The following RNF126 variants were observed in gnomAD, a reference collection of about 807,000 sequenced individuals.
RNF126 encodes E3 ubiquitin-protein ligase RNF126.
In RNF126, 20 loss-of-function variants were observed where a neutral mutation model predicts 41.9. The observed-to-expected ratio is 0.48, with a 90% CI of 0.34 to 0.69. RNF126 has a LOEUF of 0.69. Among genes scored for constraint, RNF126 ranks in the 30% least tolerant of loss-of-function variants. The pLI, the probability that RNF126 is intolerant of heterozygous loss-of-function variation, is 0.01. For synonymous variants in RNF126, 239 were observed against 202.9 expected (o/e 1.18, Z -1.51); for missense variants, 433 against 460.6 (o/e 0.94, Z 0.55).
rs546244262 is a variant in RNF126 at position 651,785 on chromosome 19, C to T, written c.269G>A (p.Ser90Asn). 5.0e-6 allele frequency: 8 copies of T among 1,612,612 alleles called. No homozygotes were observed. Among genetic ancestry groups the T allele is most frequent in the African/African-American group, 1.3e-5 (1 of 74,898 alleles). The change falls in exon 4 of 9, where the codon AGC (serine) becomes AAC (asparagine). Residue 90 changes from serine to asparagine, a missense_variant. This residue lies in a region of RNF126 where 247 missense variants were observed against 224.7 expected (regional missense o/e 1.10). Coordinates refer to ENST00000292363, the MANE Select transcript of RNF126 (RefSeq NM_194460.3). ...AGGAGGGAACGTGGGGATCTCGAAG[C>T]TGTCATCGAAGATGCCGAAAGCAAA... ...GQFAFGIFDD[S>N]FEIPTFPPGA...
rs1568191479 is a variant in RNF126, at chr19:652,810, C to T, written c.134+16G>A. On this transcript the variant is annotated intron_variant, in intron 2 of 8. Transcript: ENST00000292363. ...CGGCTGGCTCTTCCAGCCTCTTCAA[C>T]AGGGGGCTGCATTACCTGGTCTCTT... 1 of 1,611,664 alleles carries T rather than the reference C, an allele frequency of 6.2e-7. No individual in the cohort carries two copies. Among genetic ancestry groups the T allele is most frequent in the African/African-American group, 1.3e-5 (1 of 74,900 alleles).
chr19:660,471 C>T (rs2030751859), intron 1 of RNF126, among the ~76,000 whole-genome samples: 1 of 150,474 alleles, frequency 6.6e-6, no homozygotes, highest in Admixed American at 6.6e-5. Context: ...GGTGTCTCAG[C>T]AGCAGCAGTG....
In RNF126 at chr19:659,243, G is replaced by A. The variant is rs1391870672; in HGVS notation, c.75+3804C>T. On this transcript the variant is annotated intron_variant, in intron 1 of 8. Coordinates refer to ENST00000292363, the MANE Select transcript of RNF126 (RefSeq NM_194460.3). The surrounding 1 kb of genome is among the most constrained non-coding windows in gnomAD (Gnocchi z 4.9). ...TGAAGACTCGGGCCAGGCCGCCGCA[G>A]GGACCAGGAGAAGACAGGGTGGGCC... 1.3e-5 allele frequency among the ~76,000 whole-genome samples: 2 copies of A among 152,182 alleles called. No individual in the cohort carries two copies. Among genetic ancestry groups the A allele is most frequent in the Non-Finnish European group, 2.9e-5 (2 of 68,018 alleles).
intron 1 of RNF126, among the ~76,000 whole-genome samples, chr19:662,327 G>C (rs116470650): frequency 0.053 from 8,050 of 152,258 alleles, 277 homozygotes; most frequent in African/African-American, 0.094. Context: ...AGTAGCACTC[G>C]GCACGCCCAG....
intron 1 of RNF126, among the ~76,000 whole-genome samples, chr19:661,958 A>C (rs3826952): frequency 0.11 from 16,356 of 151,954 alleles, 1,323 homozygotes; most frequent in East Asian, 0.46. Context: ...CCCATCTATA[A>C]AGCACGGGTG....
chr19:661,812 G>A (rs2030815262), intron 1 of RNF126, among the ~76,000 whole-genome samples: 2 of 152,208 alleles, frequency 1.3e-5, no homozygotes, highest in Admixed American at 1.3e-4. Context: ...AATGCCTGCA[G>A]CCTCTTCCCC....
chr19:658,927 G>A (rs1012821214), intron 1 of RNF126, among the ~76,000 whole-genome samples: 15 of 152,230 alleles, frequency 9.9e-5, no homozygotes, highest in African/African-American at 3.4e-4. Flanking sequence ...TAAGTGGGAG[G>A]AAATTCAGCA....
chr19:662,837 A>G (rs1348313114), intron 1 of RNF126, among the ~76,000 whole-genome samples: 1 of 151,920 alleles, frequency 6.6e-6, no homozygotes, highest in African/African-American at 2.4e-5. Flanking sequence ...CCCGGGCCTC[A>G]GTCTCCCGCA....
chr19:649,325 T>G, intron 6 of RNF126: 1 of 334,298 alleles, frequency 3.0e-6, no homozygotes, highest in Non-Finnish European at 5.5e-6. Flanking sequence ...GACAAAATGC[T>G]CCAAGGGCTC....
chr19:650,494 T>C (rs1010203473), intron 4 of RNF126, 198 bp from the exon 5 acceptor site: 1 of 499,294 alleles, frequency 2.0e-6, no homozygotes, highest in Non-Finnish European at 3.5e-6. Context: ...CTTGGTTCAC[T>C]GCAGCCCCAA....
Position 652,898 on chromosome 19 carries a change from C to G in RNF126, c.76-14G>C, listed in dbSNP as rs376781342. 2 of 1,611,540 alleles carry G rather than the reference C, an allele frequency of 1.2e-6. No homozygotes were observed. The highest frequency in any genetic ancestry group is 3.3e-5 in the Admixed American group (2 of 59,842). The stretch of plus-strand genomic sequence containing the variant: ...ACAGATATAATCCTGCAGGAGAGAA[C>G]AGGAGGCCGGGTCACGGTGACGCCG... On this transcript the variant is annotated splice_polypyrimidine_tract_variant and intron_variant, in intron 1 of 8. Coordinates refer to ENST00000292363, the MANE Select transcript of RNF126 (RefSeq NM_194460.3).
At chr19:661,500 C>G (rs1352506023) in intron 1 of RNF126, 2 of 152,338 alleles carry the variant, frequency 1.3e-5, no homozygotes. Context: ...GCCCCACACC[C>G]GAGATTTCAC....
In RNF126 at chr19:647,699, GC is replaced by G. The variant is rs2030015036; in HGVS notation, c.*428del. The G allele has an allele frequency of 4.7e-6, 1 of 211,290 alleles. No homozygotes were observed. The highest frequency in any genetic ancestry group is 9.8e-6 in the Non-Finnish European group (1 of 101,972). 13.1% of individuals were successfully genotyped at this position (211,290 alleles called of 1,614,324 possible). A position where few individuals can be genotyped will look rare whatever the true frequency, so the allele number is the denominator to read the frequency against. ...GAGGGGGAGGCTGGGGGCCCACGTG[GC>G]CCGTCCTGGCGGCACCTGCAGCACT... On this transcript the variant is annotated 3_prime_UTR_variant, in exon 9 of 9. Transcript: ENST00000292363.
chr19:650,445 TCTCA>T, intron 4 of RNF126, 149 bp from the exon 5 acceptor site: 1 of 680,374 alleles, frequency 1.5e-6, no homozygotes, highest in Non-Finnish European at 2.5e-6. Context: ...TGAGCCAGGG[TCTCA>T]CTCTAATGCC....
chr19:662,230 G>A (rs1234190463), intron 1 of RNF126, among the ~76,000 whole-genome samples: 1 of 152,200 alleles, frequency 6.6e-6, no homozygotes, highest in African/African-American at 2.4e-5. Context: ...AAGGGGCCTG[G>A]AAATAGCACC....
intron 1 of RNF126, among the ~76,000 whole-genome samples, chr19:661,898 C>T (rs1039580530): frequency 6.6e-6 from 1 of 152,200 alleles, no homozygotes; most frequent in Middle Eastern, 3.2e-3. Flanking sequence ...CGGCTCCCGA[C>T]TGAGCCGGCT....
At position 651,867 on chromosome 19, in the gene RNF126, AG is replaced by A. The variant is rs766092826; in HGVS notation, c.199-13del. ...TGCTGGTCCACGTGCTGGGGAGAGG[AG>A]GGGGGCGTGACCTCGGGGGCTCAGG... is the stretch of plus-strand genomic sequence containing the variant. On this transcript the variant is annotated splice_polypyrimidine_tract_variant and intron_variant, in intron 3 of 8. Coordinates refer to ENST00000292363, the MANE Select transcript of RNF126 (RefSeq NM_194460.3). 5 of 1,598,284 alleles carry A rather than the reference AG, an allele frequency of 3.1e-6. No individual in the cohort carries two copies. The African/African-American group carries it at 5.4e-5, about 17-fold the overall frequency.
intron 1 of RNF126, among the ~76,000 whole-genome samples, chr19:661,934 C>T (rs1221000567): frequency 3.9e-5 from 6 of 152,150 alleles, no homozygotes; most frequent in Admixed American, 3.9e-4. Context: ...TGAGCCACCA[C>T]GCGCCTCAGT....
At chr19:650,584 CTTTTTT>C (rs34495183) in intron 4 of RNF126, 9 of 72,290 alleles carry the variant, frequency 1.2e-4, no homozygotes, top group South Asian at 1.2e-3. Flanking sequence ...CTCTCGGCTA[CTTTTTT>C]TTTTTTTTTT....
Sources: gnomAD v4.1 joint callset for allele counts (sites outside exome capture counted in the v4.1 genomes callset) on GRCh38, gnomAD v4.1.1 for gene constraint, gnomAD v4.1.1 regional missense constraint, Gnocchi (gnomAD v3.1) non-coding constraint, MANE v1.5 for transcripts, NCBI Gene and HGNC (gene_info 2026-07-23, HGNC 2026-07-21) for gene names.